Variants in ADARB2 observed in about 807,000 individuals in gnomAD.
ADARB2 encodes the protein inactive double-stranded RNA-specific editase B2.
Under a neutral mutation model 62.2 loss-of-function variants are expected in ADARB2, and 25 were observed. The observed-to-expected ratio is 0.40, with a 90% confidence interval of 0.29 to 0.56. The LOEUF (loss-of-function observed/expected upper bound fraction) is 0.56. Ranked by LOEUF, ADARB2 falls within the 20% of genes least tolerant of loss-of-function variation. The pLI is 0.43. For synonymous variants in ADARB2, 572 were observed against 500.8 expected (o/e 1.14, Z -1.90); for missense variants, 1,071 against 1,077.4 (o/e 0.99, Z 0.08).
chr10:1,341,734 C>A (rs187724614), intron 3 of ADARB2, among the ~76,000 whole-genome samples: 6 of 151,218 alleles, frequency 4.0e-5, no homozygotes, highest in Admixed American at 3.9e-4. Context: ...TGCCCCACAG[C>A]GGCGATAACC....
chr10:1,195,380 C>G (rs1337934284), intron 8 of ADARB2, among the ~76,000 whole-genome samples: 2 of 143,604 alleles, frequency 1.4e-5, no homozygotes, highest in African/African-American at 5.3e-5. Flanking sequence ...TCTGTCAATG[C>G]TGTACACAGT....
intron 1 of ADARB2, among the ~76,000 whole-genome samples, chr10:1,459,155 A>T (rs934109133): frequency 6.6e-6 from 1 of 152,206 alleles, no homozygotes; most frequent in African/African-American, 2.4e-5. Context: ...GAACCATTTG[A>T]CCCAGCAATC....
rs182700701 is a variant in ADARB2 at position 1,574,135 on chromosome 10, C to T, written c.100+162916G>A. On this transcript the variant is annotated intron_variant, in intron 1 of 9. Transcript: ENST00000381312. ...CATGGAAGGTGGCGTCCTTCCCTCCCGCCTCCCAGCTGAGCCGTCTGCTGA... is the reference window on the plus strand; with the variant it reads ...CATGGAAGGTGGCGTCCTTCCCTCCTGCCTCCCAGCTGAGCCGTCTGCTGA... Among the ~76,000 whole-genome samples, 238 of 152,302 alleles carry T rather than the reference C, an allele frequency of 1.6e-3. 1 individual carries two copies. The highest frequency in any genetic ancestry group is 1.7e-3 in the Non-Finnish European group (115 of 68,034).
chr10:1,489,401 G>T (rs1031447658), intron 1 of ADARB2, among the ~76,000 whole-genome samples: 5 of 152,102 alleles, frequency 3.3e-5, no homozygotes, highest in African/African-American at 1.2e-4. Context: ...TGCAATCAGG[G>T]CAGTGGATCT....
chr10:1,471,392 C>T (rs912986564), intron 1 of ADARB2, among the ~76,000 whole-genome samples: 2 of 151,554 alleles, frequency 1.3e-5, no homozygotes, highest in Non-Finnish European at 2.9e-5. Context: ...GACCTTTGTA[C>T]AATTTTTTTT....
At chr10:1,721,227 CAA>C (rs1469722852) in intron 1 of ADARB2, among the ~76,000 whole-genome samples, 5 of 152,164 alleles carry the variant, frequency 3.3e-5, no homozygotes, top group Admixed American at 3.3e-4. Flanking sequence ...GTAAATAATT[CAA>C]GTCACTTTTT....
intron 1 of ADARB2, among the ~76,000 whole-genome samples, chr10:1,422,637 T>C (rs999158372): frequency 6.6e-6 from 1 of 152,218 alleles, no homozygotes; most frequent in African/African-American, 2.4e-5. Flanking sequence ...CATGGATACC[T>C]ACACATCTGT....
intron 2 of ADARB2, among the ~76,000 whole-genome samples, chr10:1,364,865 T>C (rs1832298917): frequency 1.5e-5 from 2 of 132,070 alleles, no homozygotes; most frequent in African/African-American, 2.8e-5. Context: ...GTGTCACATT[T>C]TGGTAATTTT....
chr10:1,627,861 C>T (rs541144739), intron 1 of ADARB2, among the ~76,000 whole-genome samples: 10 of 152,214 alleles, frequency 6.6e-5, no homozygotes, highest in Non-Finnish European at 1.5e-4. Flanking sequence ...TCATGTTTGT[C>T]CTCAAGGTGC....
intron 1 of ADARB2, among the ~76,000 whole-genome samples, chr10:1,510,149 T>TTTCTTTCTTTCTTTC: frequency 6.8e-6 from 1 of 146,550 alleles, no homozygotes; most frequent in Non-Finnish European, 1.5e-5. Context: ...TCTTTCTTTC[T>TTTCTTTCTTTCTTTC]TTCTTTCTTT....
At chr10:1,269,855 C>G (rs7089067) in intron 4 of ADARB2, among the ~76,000 whole-genome samples, 106 of 152,228 alleles carry the variant, frequency 7.0e-4, no homozygotes, top group African/African-American at 2.4e-3. Flanking sequence ...GAACTCTTAG[C>G]CCTCAATTTA....
intron 2 of ADARB2, among the ~76,000 whole-genome samples, chr10:1,365,607 G>A (rs890772021): frequency 2.0e-5 from 3 of 152,174 alleles, no homozygotes; most frequent in African/African-American, 7.2e-5. Flanking sequence ...AGACTGGCAA[G>A]CACTTTAAAA....
chr10:1,568,869 C>A (rs370896989), intron 1 of ADARB2, among the ~76,000 whole-genome samples: 1 of 151,664 alleles, frequency 6.6e-6, no homozygotes, highest in East Asian at 1.9e-4. Context: ...AAAGCACACA[C>A]GGCAGAATCC....
At chr10:1,421,258 C>T (rs936093121) in intron 1 of ADARB2, among the ~76,000 whole-genome samples, 2 of 151,812 alleles carry the variant, frequency 1.3e-5, no homozygotes, top group Admixed American at 6.6e-5. Context: ...TAGTGTTTGT[C>T]TGCTGCTTGG....
intron 1 of ADARB2, among the ~76,000 whole-genome samples, chr10:1,414,835 G>T (rs1243249681): frequency 1.3e-5 from 2 of 152,236 alleles, no homozygotes; most frequent in Admixed American, 1.3e-4. Context: ...GATGGATAGA[G>T]AGACAGCTGG....
chr10:1,483,852 C>G (rs1264699952), intron 1 of ADARB2, among the ~76,000 whole-genome samples: 1 of 152,192 alleles, frequency 6.6e-6, no homozygotes, highest in Non-Finnish European at 1.5e-5. Context: ...GGAATTATCC[C>G]TCCAGTTTCA....
chr10:1,200,249 C>T (rs78822513), intron 7 of ADARB2, 102 bp from the exon 8 acceptor site: 18,095 of 1,482,642 alleles, frequency 0.012, 202 homozygotes, highest in Middle Eastern at 0.037. Flanking sequence ...TGTCAGTCTT[C>T]CCATCGTGCG....
intron 1 of ADARB2, among the ~76,000 whole-genome samples, chr10:1,680,078 T>C (rs1205868377): frequency 1.3e-5 from 2 of 150,874 alleles, no homozygotes; most frequent in African/African-American, 4.9e-5. Flanking sequence ...TTGGCACCCA[T>C]TCCCCTACAT....
intron 2 of ADARB2, among the ~76,000 whole-genome samples, chr10:1,367,728 C>A (rs1420858474): frequency 6.6e-6 from 1 of 152,154 alleles, no homozygotes; most frequent in African/African-American, 2.4e-5. Flanking sequence ...TTATTGATTT[C>A]TCGCAAGGTG....
Sources: gnomAD v4.1 joint callset for allele counts (sites outside exome capture counted in the v4.1 genomes callset) on GRCh38, gnomAD v4.1.1 for gene constraint, MANE v1.5 for transcripts, NCBI Gene and HGNC (gene_info 2026-07-23, HGNC 2026-07-21) for gene names.